Variants in KCNMB2 observed in about 807,000 individuals in gnomAD.
KCNMB2 encodes the protein calcium-activated potassium channel subunit beta-2.
In KCNMB2, 9 loss-of-function variants were observed where a neutral mutation model predicts 24.5. That is an observed-to-expected ratio of 0.37 (90% CI 0.22 to 0.64). The LOEUF (loss-of-function observed/expected upper bound fraction) is 0.64, where lower values mean the gene tolerates loss of function less well. KCNMB2 is among the 30% of genes least tolerant of loss of function. The probability of loss-of-function intolerance (pLI) is 0.63; values close to 1 mark genes in which losing one functional copy is unlikely to be tolerated. For missense variants in KCNMB2, 226 were observed against 284.3 expected, an observed-to-expected ratio of 0.79 and a Z score of 1.47; for synonymous variants, 109 against 104.4, an observed-to-expected ratio of 1.04 and a Z score of -0.27.
intron 1 of KCNMB2, among the ~76,000 whole-genome samples, chr3:178,613,043 T>C (rs949995844): frequency 2.0e-5 from 3 of 152,240 alleles, no homozygotes; most frequent in Non-Finnish European, 2.9e-5. Flanking sequence ...AAACTCACCA[T>C]GACTTTGTCC....
At chr3:178,839,285 A>C (rs9880093) in intron 4 of KCNMB2, among the ~76,000 whole-genome samples, 95,632 of 151,842 alleles carry the variant, frequency 0.63, 32,138 homozygotes, top group African/African-American at 0.87. Context: ...AGCTTTTTTA[A>C]TTAAAAATGT....
chr3:178,570,515 CTTTTTTT>C (rs200106452), intron 1 of KCNMB2, among the ~76,000 whole-genome samples: 2 of 114,648 alleles, frequency 1.7e-5, no homozygotes, highest in Non-Finnish European at 3.7e-5. Flanking sequence ...GTAATGATAC[CTTTTTTT>C]TTTTTTTTTT....
rs11382203 is a variant in KCNMB2 at position 178,781,159 on chromosome 3, C to CT, written c.-67-26180dup. The stretch of plus-strand genomic sequence containing the variant: ...TTATTAGAATTAATTTTTCCTATTT[C>CT]TTTTATTATTTTAATGTAATACTAG... On this transcript the variant is annotated intron_variant, in intron 1 of 4. Transcript: ENST00000452583. Among the ~76,000 whole-genome samples, 1,021 of 151,870 alleles carry CT rather than the reference C, an allele frequency of 6.7e-3. 17 individuals carry two copies. The highest frequency in any genetic ancestry group is 0.023 in the African/African-American group (965 of 41,460).
chr3:178,805,233 C>T (rs1289582666), intron 1 of KCNMB2, among the ~76,000 whole-genome samples: 1 of 152,318 alleles, frequency 6.6e-6, no homozygotes, highest in East Asian at 1.9e-4. Flanking sequence ...AGCTCTGATG[C>T]TGACCCAAGG....
chr3:178,636,926 C>G (rs1249537263), intron 1 of KCNMB2, among the ~76,000 whole-genome samples: 1 of 152,116 alleles, frequency 6.6e-6, no homozygotes, highest in African/African-American at 2.4e-5. Flanking sequence ...TCATTCAGCA[C>G]CCACTCATAA....
intron 1 of KCNMB2, among the ~76,000 whole-genome samples, chr3:178,756,587 TCTGA>T (rs1724050460): frequency 6.6e-6 from 1 of 152,162 alleles, no homozygotes; most frequent in African/African-American, 2.4e-5. Context: ...TATAAATTTC[TCTGA>T]CTTTCAGCCT....
At chr3:178,760,327 T>TCCA (rs1711779237) in intron 1 of KCNMB2, among the ~76,000 whole-genome samples, 2 of 123,856 alleles carry the variant, frequency 1.6e-5, no homozygotes, top group Admixed American at 9.1e-5. Context: ...TAGATATATA[T>TCCA]AGATATATAT....
At chr3:178,656,638 C>A (rs13088016) in intron 1 of KCNMB2, among the ~76,000 whole-genome samples, 10 of 151,800 alleles carry the variant, frequency 6.6e-5, no homozygotes, top group Non-Finnish European at 1.5e-4. Flanking sequence ...CCGGGTGTGG[C>A]GGTGGGTGCC....
intron 1 of KCNMB2, among the ~76,000 whole-genome samples, chr3:178,679,058 G>GTTTTTTTTT (rs11337000): frequency 6.7e-6 from 1 of 149,422 alleles, no homozygotes; most frequent in African/African-American, 2.5e-5. Flanking sequence ...TTTTGTTTTT[G>GTTTTTTTTT]TTTTTTTTAT....
chr3:178,814,647 T>C (rs529335864), intron 2 of KCNMB2, among the ~76,000 whole-genome samples: 4 of 152,320 alleles, frequency 2.6e-5, no homozygotes, highest in African/African-American at 9.6e-5. Flanking sequence ...AGATTTGTTA[T>C]TTTTGGCTTT....
intron 1 of KCNMB2, among the ~76,000 whole-genome samples, chr3:178,670,194 A>G (rs925559551): frequency 6.6e-6 from 1 of 152,162 alleles, no homozygotes; most frequent in African/African-American, 2.4e-5. Flanking sequence ...AGACACTCAA[A>G]GCAGGTTTCA....
Position 178,757,731 on chromosome 3 carries a change from CA to C in KCNMB2, c.-67-49610del, listed in dbSNP as rs1359679000. Among the ~76,000 whole-genome samples, 10 of 52,940 alleles carry C rather than the reference CA, an allele frequency of 1.9e-4. 1 individual carries two copies. The Admixed American group carries it at 2.4e-3, about 13-fold the overall frequency. 34.7% of individuals were successfully genotyped at this position (52,940 alleles called of 152,430 possible). ...GAGGATATATATATGTATATATATCCAAGAGGATATATATATATAAGAGGAT... is the reference window on the plus strand; with the variant it reads ...GAGGATATATATATGTATATATATCCAGAGGATATATATATATAAGAGGAT... On this transcript the variant is annotated intron_variant, in intron 1 of 4. Transcript: ENST00000452583.
chr3:178,838,939 A>C (rs983829855), intron 4 of KCNMB2, among the ~76,000 whole-genome samples: 1 of 152,226 alleles, frequency 6.6e-6, no homozygotes, highest in African/African-American at 2.4e-5. Context: ...TAATTTTCCA[A>C]CTGAAAATTA....
intron 1 of KCNMB2, among the ~76,000 whole-genome samples, chr3:178,748,755 T>C (rs867576087): frequency 6.6e-6 from 1 of 152,150 alleles, no homozygotes; most frequent in Non-Finnish European, 1.5e-5. Flanking sequence ...ATTGAGAAAA[T>C]TGGTACCCCC....
At chr3:178,675,059 C>T (rs1055783653) in intron 1 of KCNMB2, among the ~76,000 whole-genome samples, 1 of 152,168 alleles carries the variant, frequency 6.6e-6, no homozygotes, top group Non-Finnish European at 1.5e-5. Context: ...CAGAAATAGT[C>T]TTATTGCTTT....
At chr3:178,552,079 C>T (rs923468759) in intron 1 of KCNMB2, among the ~76,000 whole-genome samples, 1 of 152,140 alleles carries the variant, frequency 6.6e-6, no homozygotes, top group Admixed American at 6.5e-5. Flanking sequence ...GGCAGCTAAC[C>T]CAGGCAATCT....
intron 1 of KCNMB2, among the ~76,000 whole-genome samples, chr3:178,708,667 T>C (rs745360214): frequency 6.6e-6 from 1 of 152,150 alleles, no homozygotes; most frequent in Non-Finnish European, 1.5e-5. Flanking sequence ...CCATGAGCTA[T>C]GTTGATCCCT....
chr3:178,839,771 G>C (rs1715361500), intron 4 of KCNMB2, among the ~76,000 whole-genome samples: 1 of 152,124 alleles, frequency 6.6e-6, no homozygotes, highest in South Asian at 2.1e-4. Flanking sequence ...CCACCTCCAT[G>C]ATCCAGTCAC....
intron 1 of KCNMB2, among the ~76,000 whole-genome samples, chr3:178,569,855 T>C (rs1220851147): frequency 6.6e-6 from 1 of 152,228 alleles, no homozygotes; most frequent in African/African-American, 2.4e-5. Flanking sequence ...CTTCTGCATC[T>C]ATGCCTCCTT....
Sources: gnomAD v4.1 joint callset for allele counts (sites outside exome capture counted in the v4.1 genomes callset) on GRCh38, gnomAD v4.1.1 for gene constraint, MANE v1.5 for transcripts, NCBI Gene and HGNC (gene_info 2026-07-23, HGNC 2026-07-21) for gene names.